The following ENKUR variants were observed in gnomAD, a reference collection of about 807,000 sequenced individuals.
ENKUR encodes the protein enkurin.
ENKUR carries 19 observed loss-of-function variants against 27.6 expected under a neutral mutation model. The ratio of observed to expected loss-of-function variants is 0.69; its 90% confidence interval spans 0.48 to 1.01. ENKUR has a LOEUF of 1.01. Among genes scored for constraint, ENKUR ranks in the 50% least tolerant of loss-of-function variants. The probability of loss-of-function intolerance (pLI) is 0.00; values close to 1 mark genes in which losing one functional copy is unlikely to be tolerated. For synonymous variants in ENKUR, 117 were observed against 96.9 expected (o/e 1.21, Z -1.22); for missense variants, 312 against 310.5 (o/e 1.00, Z -0.04).
chr10:25,021,948 TTTAA>T (rs1429580954), intron 2 of ENKUR: 8 of 152,164 alleles, frequency 5.3e-5, no homozygotes, highest in Admixed American at 3.9e-4. Flanking sequence ...CATTTAAATG[TTTAA>T]TTACAGAACA....
At chr10:25,045,960 T>G (rs1322375946) in intron 2 of ENKUR, among the ~76,000 whole-genome samples, 1 of 152,168 alleles carries the variant, frequency 6.6e-6, no homozygotes, top group African/African-American at 2.4e-5. Flanking sequence ...AGAATTCTGA[T>G]CAATGAACCT....
chr10:25,049,821 T>TA (rs904364228), intron 2 of ENKUR, among the ~76,000 whole-genome samples: 21 of 147,044 alleles, frequency 1.4e-4, no homozygotes, highest in South Asian at 4.3e-4. Flanking sequence ...AATTAAAATT[T>TA]AAAAAAAAAA....
chr10:25,052,973 TG>T (rs1236962441), intron 2 of ENKUR, among the ~76,000 whole-genome samples: 1 of 151,782 alleles, frequency 6.6e-6, no homozygotes, highest in African/African-American at 2.4e-5. Context: ...TTCACCATGT[TG>T]GTTGGGCTGG....
intron 1 of ENKUR, among the ~76,000 whole-genome samples, chr10:25,012,014 TG>T (rs1850458172): frequency 6.6e-6 from 1 of 152,206 alleles, no homozygotes; most frequent in East Asian, 1.9e-4. Context: ...TGTGCAATCT[TG>T]GGACTTGGTG....
intron 2 of ENKUR, chr10:25,025,507 C>A: frequency 6.7e-7 from 1 of 1,498,004 alleles, no homozygotes; most frequent in Non-Finnish European, 9.0e-7. Flanking sequence ...AATAATAAAT[C>A]TCAAACACTG....
chr10:24,993,733 T>C (rs1849978080), intron 3 of ENKUR, among the ~76,000 whole-genome samples: 1 of 152,254 alleles, frequency 6.6e-6, no homozygotes, highest in African/African-American at 2.4e-5. Context: ...TGCACAGTGC[T>C]TTCATGGTTT....
At chr10:25,002,731 T>C (rs1287662474) in intron 1 of ENKUR, among the ~76,000 whole-genome samples, 2 of 152,070 alleles carry the variant, frequency 1.3e-5, no homozygotes, top group East Asian at 1.9e-4. Flanking sequence ...AACATTATTG[T>C]TTTTTTCCTT....
chr10:25,024,015 C>T (rs776129963), intron 2 of ENKUR: 1 of 1,614,086 alleles, frequency 6.2e-7, no homozygotes, highest in Non-Finnish European at 8.5e-7. Flanking sequence ...CTGATGGTGG[C>T]CTCTTTGTTC....
At chr10:25,010,325 G>A (rs192674316) in intron 1 of ENKUR, among the ~76,000 whole-genome samples, 99 of 152,244 alleles carry the variant, frequency 6.5e-4, no homozygotes, top group Admixed American at 5.7e-3. Context: ...AGATGATTCC[G>A]GGCATCTGAT....
At chr10:24,986,476 C>T (rs1273795806) in intron 4 of ENKUR, among the ~76,000 whole-genome samples, 1 of 152,144 alleles carries the variant, frequency 6.6e-6, no homozygotes, top group Non-Finnish European at 1.5e-5. Context: ...AAAAAGAAGC[C>T]CTCAAAAGAA....
intron 2 of ENKUR, among the ~76,000 whole-genome samples, chr10:25,060,073 G>A (rs1160389897): frequency 6.6e-6 from 1 of 152,106 alleles, no homozygotes; most frequent in African/African-American, 2.4e-5. Flanking sequence ...TTATCTGCCT[G>A]GGCTTCTCTG....
At chr10:25,008,249 A>G (rs1267509076) in intron 1 of ENKUR, among the ~76,000 whole-genome samples, 2 of 152,182 alleles carry the variant, frequency 1.3e-5, no homozygotes, top group Admixed American at 1.3e-4. Context: ...CATGACAAAC[A>G]AAAAGAGACT....
At chr10:25,021,524 A>G (rs1469340169) in intron 2 of ENKUR, among the ~76,000 whole-genome samples, 2 of 152,194 alleles carry the variant, frequency 1.3e-5, no homozygotes, top group Non-Finnish European at 2.9e-5. Context: ...AAATTCCTTC[A>G]GTACTGTTTA....
intron 1 of ENKUR, chr10:25,061,396 ATGGCAAGG>A: frequency 2.2e-6 from 1 of 456,666 alleles, no homozygotes; most frequent in Non-Finnish European, 3.9e-6. Flanking sequence ...CAGTGCACAG[ATGGCAAGG>A]TGGAACCTCC....
chr10:25,025,449 C>A, intron 2 of ENKUR: 2 of 1,593,078 alleles, frequency 1.3e-6, no homozygotes, highest in Non-Finnish European at 1.7e-6. Context: ...AAAATCAATT[C>A]ATATGAAAGC....
chr10:25,045,388 T>C (rs1170391628), intron 2 of ENKUR, among the ~76,000 whole-genome samples: 5 of 152,146 alleles, frequency 3.3e-5, no homozygotes, highest in African/African-American at 1.2e-4. Flanking sequence ...GAGGATAATA[T>C]GATATTAACA....
intron 1 of ENKUR, among the ~76,000 whole-genome samples, chr10:25,014,250 G>A (rs1379768007): frequency 6.6e-6 from 1 of 152,156 alleles, no homozygotes; most frequent in African/African-American, 2.4e-5. Flanking sequence ...TGAGGCGTGG[G>A]AGATCAAAAG....
intron 1 of ENKUR, among the ~76,000 whole-genome samples, chr10:25,009,312 G>A (rs541334764): frequency 6.6e-5 from 10 of 152,206 alleles, no homozygotes; most frequent in African/African-American, 2.2e-4. Context: ...GACAATTTCT[G>A]TAAGAGTTGT....
chr10:25,023,203 G>A, intron 2 of ENKUR: 2 of 1,589,092 alleles, frequency 1.3e-6, no homozygotes, highest in South Asian at 1.2e-5. Context: ...AGGTTGGCTT[G>A]GGCAGAAAAG....
Sources: gnomAD v4.1 joint callset for allele counts (sites outside exome capture counted in the v4.1 genomes callset) on GRCh38, gnomAD v4.1.1 for gene constraint, MANE v1.5 for transcripts, NCBI Gene and HGNC (gene_info 2026-07-23, HGNC 2026-07-21) for gene names.